The following LRCH1 variants were observed in gnomAD, a reference collection of about 807,000 sequenced individuals.
LRCH1 encodes the protein leucine rich repeats and calponin homology domain containing 1.
LRCH1 carries 23 observed loss-of-function variants against 94.9 expected under a neutral mutation model. The observed-to-expected ratio is 0.24, with a 90% CI of 0.17 to 0.34. LRCH1 has a LOEUF of 0.34. LRCH1 is among the 10% of genes least tolerant of loss of function. The pLI is 1.00. For missense variants in LRCH1, 790 were observed against 945.9 expected (o/e 0.84, Z 2.16); for synonymous variants, 364 against 354.9 (o/e 1.03, Z -0.29).
intron 1 of LRCH1, among the ~76,000 whole-genome samples, chr13:46,615,496 A>G (rs1217844494): frequency 6.6e-6 from 1 of 152,110 alleles, no homozygotes; most frequent in African/African-American, 2.4e-5. Flanking sequence ...ACATTTCAAC[A>G]TGAGATTTGG....
intron 19 of LRCH1, among the ~76,000 whole-genome samples, chr13:46,737,695 C>T (rs925895516): frequency 2.0e-5 from 3 of 152,126 alleles, no homozygotes; most frequent in African/African-American, 7.2e-5. Flanking sequence ...GGCCTTGACC[C>T]CATGAGGCTT....
chr13:46,553,571 T>C lies in LRCH1; in HGVS notation c.175T>C (p.Leu59=). ...GGGSGGFNLP[L]NRGLERALEE... ...TGGCAGCGGGGGCTTCAACCTGCCC[T>C]TGAACCGGGGTCTGGAGCGCGCGCT... Residue 59 remains leucine (L), a synonymous_variant, in exon 1 of 20, where the codon TTG becomes CTG. Transcript: ENST00000389797. The C allele has an allele frequency of 6.5e-7, 1 of 1,550,096 alleles. No homozygotes were observed. The highest frequency in any genetic ancestry group is 8.7e-7 in the Non-Finnish European group (1 of 1,146,886).
intron 9 of LRCH1, among the ~76,000 whole-genome samples, chr13:46,698,965 C>T (rs1033059659): frequency 7.2e-5 from 11 of 152,194 alleles, no homozygotes; most frequent in South Asian, 4.1e-4. Context: ...CGTTCCTTCC[C>T]GGCAGCCCCT....
At chr13:46,563,673 C>CA (rs1240478913) in intron 1 of LRCH1, among the ~76,000 whole-genome samples, 5 of 152,198 alleles carry the variant, frequency 3.3e-5, no homozygotes, top group Non-Finnish European at 2.9e-5. Context: ...ATGCTTGCTA[C>CA]ATGGTCTGTA....
At chr13:46,741,477 A>G (rs1294935038) in intron 19 of LRCH1, among the ~76,000 whole-genome samples, 165 bp from the exon 20 acceptor site, 3 of 152,180 alleles carry the variant, frequency 2.0e-5, no homozygotes, top group Non-Finnish European at 4.4e-5. Context: ...ATTATGATGG[A>G]TTAAAAAATC....
intron 19 of LRCH1, 48 bp from the exon 20 acceptor site, chr13:46,741,587 TATTTTTA>T: frequency 3.7e-6 from 6 of 1,606,604 alleles, no homozygotes; most frequent in Non-Finnish European, 5.1e-6. Flanking sequence ...TTCCTCCGTG[TATTTTTA>T]ATTGTATGCA....
intron 16 of LRCH1, among the ~76,000 whole-genome samples, chr13:46,719,529 G>A (rs761838409): frequency 6.6e-4 from 101 of 152,294 alleles, no homozygotes; most frequent in Non-Finnish European, 1.1e-3. Context: ...AGATGAGGAT[G>A]GGGTAAAGAG....
At chr13:46,667,960 G>A (rs542450388) in intron 2 of LRCH1, among the ~76,000 whole-genome samples, 1 of 152,330 alleles carries the variant, frequency 6.6e-6, no homozygotes, top group African/African-American at 2.4e-5. Context: ...CACTCACACA[G>A]GAACACAGCT....
At position 46,567,501 on chromosome 13, in the gene LRCH1, T is replaced by TGTGTGTGTGTGTGTGTGC. The variant is rs1322958813; in HGVS notation, c.307+13815_307+13816insCGTGTGTGTGTGTGTGTG. Among the ~76,000 whole-genome samples, 15 of 151,486 alleles carry TGTGTGTGTGTGTGTGTGC rather than the reference T, an allele frequency of 9.9e-5. 1 individual carries two copies. The highest frequency in any genetic ancestry group is 3.6e-4 in the African/African-American group (15 of 41,136). On this transcript the variant is annotated intron_variant, in intron 1 of 19. Coordinates refer to ENST00000389797, the MANE Select transcript of LRCH1 (RefSeq NM_001164211.2). ...GCAATTTAAGGCAATTTTGTGTGTGTGTGTGTGTGTGTGTGTGTGTGTGTG... is the reference window on the plus strand; with the variant it reads ...GCAATTTAAGGCAATTTTGTGTGTGTGTGTGTGTGTGTGTGTGCGTGTGTGTGTGTGTGTGTGTGTGTG...
At chr13:46,628,807 G>T (rs183206520) in intron 1 of LRCH1, among the ~76,000 whole-genome samples, 181 of 152,182 alleles carry the variant, frequency 1.2e-3, no homozygotes, top group African/African-American at 4.2e-3. Context: ...ATATAAAACA[G>T]TAATGTGTGG....
At chr13:46,750,645 A>G (rs1395050884) in exon 19 of LRCH1, 15 of 1,546,928 alleles carry the variant, frequency 9.7e-6, no homozygotes, top group Non-Finnish European at 1.3e-5. Context: ...GGCTCTGTTC[A>G]CATGAAACTA....
intron 1 of LRCH1, among the ~76,000 whole-genome samples, chr13:46,572,419 G>A (rs1413142741): frequency 6.6e-6 from 1 of 152,292 alleles, no homozygotes. Context: ...CATATGGCAT[G>A]GTGTCAGCTT....
chr13:46,595,812 GC>G (rs1263990257), intron 1 of LRCH1, among the ~76,000 whole-genome samples: 1 of 150,740 alleles, frequency 6.6e-6, no homozygotes, highest in African/African-American at 2.4e-5. Flanking sequence ...AGTTCTGCTG[GC>G]AACTGCCACA....
intron 2 of LRCH1, among the ~76,000 whole-genome samples, chr13:46,653,679 A>G (rs141336496): frequency 1.2e-3 from 180 of 151,902 alleles, no homozygotes; most frequent in African/African-American, 4.1e-3. Context: ...AAAAATACAA[A>G]AAGTAGCCGG....
At chr13:46,572,742 A>G (rs1340493635) in intron 1 of LRCH1, among the ~76,000 whole-genome samples, 1 of 152,194 alleles carries the variant, frequency 6.6e-6, no homozygotes, top group Non-Finnish European at 1.5e-5. Flanking sequence ...CTATATTCAC[A>G]GCCACATTTC....
At chr13:46,575,879 G>A (rs527243903) in intron 1 of LRCH1, among the ~76,000 whole-genome samples, 17 of 152,168 alleles carry the variant, frequency 1.1e-4, no homozygotes, top group Admixed American at 2.6e-4. Flanking sequence ...TGAGTGAAGA[G>A]GATCCATTGA....
At chr13:46,594,050 G>T (rs1040072498) in intron 1 of LRCH1, among the ~76,000 whole-genome samples, 1 of 152,026 alleles carries the variant, frequency 6.6e-6, no homozygotes, top group African/African-American at 2.4e-5. Flanking sequence ...ATAGATACCA[G>T]GTTCCCTGAG....
chr13:46,693,777 T>A (rs1871034285), intron 8 of LRCH1, among the ~76,000 whole-genome samples: 2 of 152,224 alleles, frequency 1.3e-5, no homozygotes, highest in Non-Finnish European at 2.9e-5. Context: ...TGCCCCTGTT[T>A]CCCCATGACT....
exon 19 of LRCH1, chr13:46,752,800 T>G (rs544880047): frequency 6.6e-6 from 1 of 152,318 alleles, no homozygotes; most frequent in African/African-American, 2.4e-5. Context: ...ATATTAATTT[T>G]TATTATTTTC....
Sources: gnomAD v4.1 joint callset for allele counts (sites outside exome capture counted in the v4.1 genomes callset) on GRCh38, gnomAD v4.1.1 for gene constraint, MANE v1.5 for transcripts, NCBI Gene and HGNC (gene_info 2026-07-23, HGNC 2026-07-21) for gene names.